FSTL5: variants seen among roughly 807,000 people sequenced by gnomAD.
FSTL5 encodes follistatin like 5, also known as follistatin-related protein 5.
In FSTL5, 62 loss-of-function variants were observed where a neutral mutation model predicts 89.1. That is an observed-to-expected ratio of 0.70 (90% CI 0.57 to 0.86). FSTL5 has a LOEUF of 0.86. FSTL5 is among the 40% of genes least tolerant of loss of function. FSTL5 has a pLI of 0.00. For missense variants in FSTL5, 1,057 were observed against 1,001.6 expected (o/e 1.06, Z -0.75); for synonymous variants, 383 against 346.2 (o/e 1.11, Z -1.18).
intron 2 of FSTL5, among the ~76,000 whole-genome samples, chr4:162,056,519 C>T (rs752634403): frequency 9.2e-5 from 14 of 151,792 alleles, no homozygotes; most frequent in East Asian, 1.9e-4. Flanking sequence ...ATGATGTATG[C>T]GGTATATTTG....
At chr4:161,909,304 A>G (rs1361695353) in intron 4 of FSTL5, among the ~76,000 whole-genome samples, 2 of 152,128 alleles carry the variant, frequency 1.3e-5, no homozygotes, top group African/African-American at 4.8e-5. Context: ...GAGATGAAAA[A>G]TAGGGCTTTG....
chr4:162,061,456 G>A (rs1040903601), intron 2 of FSTL5, among the ~76,000 whole-genome samples: 30 of 152,094 alleles, frequency 2.0e-4, no homozygotes, highest in African/African-American at 7.0e-4. Context: ...AATGGTATTA[G>A]GAGTATCAAG....
intron 2 of FSTL5, among the ~76,000 whole-genome samples, chr4:162,039,291 A>G (rs1229206048): frequency 1.3e-5 from 2 of 151,308 alleles, no homozygotes; most frequent in South Asian, 2.1e-4. Flanking sequence ...AGTAATCAGG[A>G]AAAAAAAATC....
intron 3 of FSTL5, among the ~76,000 whole-genome samples, chr4:161,958,640 C>CTCA (rs1735090055): frequency 2.0e-5 from 3 of 152,112 alleles, no homozygotes; most frequent in Admixed American, 1.3e-4. Flanking sequence ...GTATTCTATG[C>CTCA]CGGATGCTGG....
chr4:161,743,812 A>G (rs996099862), intron 6 of FSTL5, among the ~76,000 whole-genome samples: 5 of 152,222 alleles, frequency 3.3e-5, no homozygotes, highest in African/African-American at 1.2e-4. Flanking sequence ...TTCACAGATC[A>G]TTTTAAGCTG....
At chr4:161,513,844 TAGG>T (rs1730731300) in intron 10 of FSTL5, among the ~76,000 whole-genome samples, 1 of 151,934 alleles carries the variant, frequency 6.6e-6, no homozygotes. Flanking sequence ...GTGTGGTGGA[TAGG>T]AGGAGAGAGA....
intron 6 of FSTL5, among the ~76,000 whole-genome samples, chr4:161,688,213 G>A (rs1176621099): frequency 3.3e-5 from 5 of 152,156 alleles, no homozygotes; most frequent in African/African-American, 9.7e-5. Context: ...CTCTGCGGTA[G>A]CTGGGACTAC....
chr4:161,930,318 A>T (rs941242691), intron 3 of FSTL5, among the ~76,000 whole-genome samples: 1 of 151,806 alleles, frequency 6.6e-6, no homozygotes, highest in African/African-American at 2.4e-5. Flanking sequence ...AATGATTAAC[A>T]ATGTTTTCTT....
intron 4 of FSTL5, among the ~76,000 whole-genome samples, chr4:161,823,629 G>C (rs1028816326): frequency 6.6e-6 from 1 of 152,162 alleles, no homozygotes; most frequent in Non-Finnish European, 1.5e-5. Flanking sequence ...CCATGGCTGT[G>C]TGGCTGCAAC....
At chr4:162,092,075 T>C (rs1730572052) in intron 2 of FSTL5, among the ~76,000 whole-genome samples, 1 of 152,016 alleles carries the variant, frequency 6.6e-6, no homozygotes, top group Non-Finnish European at 1.5e-5. Context: ...CACAACTTTT[T>C]AATATTCAAT....
At chr4:162,103,983 G>A (rs993309797) in intron 2 of FSTL5, among the ~76,000 whole-genome samples, 1 of 152,144 alleles carries the variant, frequency 6.6e-6, no homozygotes, top group Non-Finnish European at 1.5e-5. Flanking sequence ...CCTTTGTATG[G>A]GAGCTCTGTT....
chr4:162,061,259 C>T (rs1738709089), intron 2 of FSTL5, among the ~76,000 whole-genome samples: 1 of 151,976 alleles, frequency 6.6e-6, no homozygotes, highest in Non-Finnish European at 1.5e-5. Flanking sequence ...ACGGTCACTT[C>T]CCTACCAAGC....
chr4:162,071,222 A>G (rs1438709599), intron 2 of FSTL5, among the ~76,000 whole-genome samples: 1 of 151,712 alleles, frequency 6.6e-6, no homozygotes, highest in Non-Finnish European at 1.5e-5. Flanking sequence ...AAAATACAAC[A>G]AGATGCAACT....
At chr4:161,819,089 G>A (rs554439827) in intron 4 of FSTL5, among the ~76,000 whole-genome samples, 1 of 152,028 alleles carries the variant, frequency 6.6e-6, no homozygotes, top group East Asian at 1.9e-4. Flanking sequence ...TGATGCCTAT[G>A]GCATATATAC....
chr4:161,661,583 G>A (rs983077079), intron 6 of FSTL5, among the ~76,000 whole-genome samples: 3 of 151,934 alleles, frequency 2.0e-5, no homozygotes, highest in Non-Finnish European at 2.9e-5. Context: ...TAACTAACAA[G>A]GAAATTCTGA....
intron 15 of FSTL5, among the ~76,000 whole-genome samples, chr4:161,429,910 A>C (rs1320889258): frequency 6.6e-6 from 1 of 152,144 alleles, no homozygotes; most frequent in Non-Finnish European, 1.5e-5. Context: ...ACCTGGGAGC[A>C]CTCCTGAAGA....
At chr4:161,816,440 G>A (rs1730328853) in intron 4 of FSTL5, among the ~76,000 whole-genome samples, 1 of 152,094 alleles carries the variant, frequency 6.6e-6, no homozygotes, top group South Asian at 2.1e-4. Flanking sequence ...TGTTGAAGTA[G>A]TCATCTGGTA....
chr4:161,659,235 TTAAG>T (rs1370190716), intron 6 of FSTL5, among the ~76,000 whole-genome samples: 7 of 152,184 alleles, frequency 4.6e-5, no homozygotes, highest in Non-Finnish European at 7.4e-5. Flanking sequence ...ATACTTATTA[TTAAG>T]TAACTATATA....
At chr4:161,437,565 C>CAAAAAAGAAAAAAAA (rs773433793) in intron 15 of FSTL5, among the ~76,000 whole-genome samples, 1 of 68,542 alleles carries the variant, frequency 1.5e-5, no homozygotes, top group Non-Finnish European at 2.4e-5. Flanking sequence ...GACTCCGTCT[C>CAAAAAAGAAAAAAAA]AAAAAAAAAA....
Sources: allele counts gnomAD v4.1 joint callset (sites outside exome capture counted in the v4.1 genomes callset), GRCh38; gene constraint gnomAD v4.1.1; transcripts MANE v1.5; gene names NCBI Gene and HGNC (gene_info 2026-07-23, HGNC 2026-07-21).